Variants in FOXP1 observed in about 807,000 individuals in gnomAD.
The protein encoded by FOXP1 is forkhead box P1.
Under a neutral mutation model 98.2 loss-of-function variants are expected in FOXP1, and 15 were observed. That is an observed-to-expected ratio of 0.15 (90% CI 0.10 to 0.24). FOXP1 has a LOEUF of 0.24. FOXP1 is among the 10% of genes least tolerant of loss of function. The pLI, the probability that FOXP1 is intolerant of heterozygous loss-of-function variation, is 1.00. For synonymous variants in FOXP1, 371 were observed against 314.5 expected (o/e 1.18, Z -1.90); for missense variants, 633 against 848.5 (o/e 0.75, Z 3.15).
At chr3:71,233,882 C>A (rs990780868) in intron 5 of FOXP1, among the ~76,000 whole-genome samples, 2 of 151,988 alleles carry the variant, frequency 1.3e-5, no homozygotes, top group Non-Finnish European at 2.9e-5. Context: ...TCCTTTTAGC[C>A]CAAATCAAAC....
intron 4 of FOXP1, among the ~76,000 whole-genome samples, chr3:71,330,101 G>A (rs2076205962): frequency 6.6e-6 from 1 of 152,166 alleles, no homozygotes; most frequent in Non-Finnish European, 1.5e-5. Flanking sequence ...GTAATAACAT[G>A]TATAACTCTT....
rs530989716 is a variant in FOXP1 at position 70,959,487 on chromosome 3, T to C, written c.1890-96A>G. 1.1e-4 allele frequency: 145 copies of C among 1,296,372 alleles called. 1 individual carries two copies. In the African/African-American group the frequency reaches 1.7e-3, roughly 16 times the overall value. The allele number at this position is 1,296,372 out of a possible 1,614,324, so 80.3% of individuals were successfully genotyped here. A position where few individuals can be genotyped will look rare whatever the true frequency, so the allele number is the denominator to read the frequency against. On this transcript the variant is annotated intron_variant, in intron 20 of 20. Transcript: ENST00000649528. ...TTGGGGCAACAGAAAAGCCGCACTC[T>C]AGAACTAGAACTCTGTCCAGTATTG...
intron 3 of FOXP1, among the ~76,000 whole-genome samples, chr3:71,446,308 T>C (rs1178400209): frequency 6.6e-6 from 1 of 152,006 alleles, no homozygotes; most frequent in Admixed American, 6.6e-5. Flanking sequence ...TGGTTGCAGA[T>C]GGAGGTAATA....
At chr3:71,212,949 A>AATAT (rs3033230) in intron 5 of FOXP1, among the ~76,000 whole-genome samples, 2,937 of 147,810 alleles carry the variant, frequency 0.02, 82 homozygotes, top group African/African-American at 0.067. Context: ...ACAAAATGGG[A>AATAT]ATATATATAT....
intron 6 of FOXP1, chr3:71,197,799 TC>T: frequency 7.7e-7 from 1 of 1,302,624 alleles, no homozygotes. Context: ...TCTCTTTTAT[TC>T]CTTAGCTCTT....
At chr3:71,102,051 CAG>C (rs2057011413) in intron 7 of FOXP1, among the ~76,000 whole-genome samples, 3 of 152,144 alleles carry the variant, frequency 2.0e-5, no homozygotes, top group Non-Finnish European at 2.9e-5. Flanking sequence ...GACTAGTATT[CAG>C]TCCCTGTAAT....
At chr3:71,444,132 C>T (rs2086195917) in intron 3 of FOXP1, among the ~76,000 whole-genome samples, 1 of 152,198 alleles carries the variant, frequency 6.6e-6, no homozygotes. Context: ...TTTCTGTTAA[C>T]GAACAGACTG....
At chr3:71,263,645 A>G (rs1026557751) in intron 5 of FOXP1, among the ~76,000 whole-genome samples, 3 of 152,068 alleles carry the variant, frequency 2.0e-5, no homozygotes, top group African/African-American at 7.2e-5. Context: ...TACTTAAGCT[A>G]CTCCTTTGTG....
chr3:71,187,269 C>T (rs1025305448), intron 6 of FOXP1, among the ~76,000 whole-genome samples: 4 of 152,170 alleles, frequency 2.6e-5, no homozygotes, highest in Admixed American at 6.5e-5. Flanking sequence ...TCAGCTTATG[C>T]GTGATGCTTT....
intron 3 of FOXP1, among the ~76,000 whole-genome samples, chr3:71,376,773 G>A (rs560173238): frequency 2.6e-5 from 4 of 152,248 alleles, no homozygotes; most frequent in South Asian, 2.1e-4. Context: ...TCATCTGACA[G>A]ACAGAATCTG....
chr3:71,430,974 CT>C (rs1216663747), intron 3 of FOXP1, among the ~76,000 whole-genome samples: 2 of 152,156 alleles, frequency 1.3e-5, no homozygotes, highest in Non-Finnish European at 2.9e-5. Context: ...ATATGAAACA[CT>C]TTCCTAGACA....
intron 2 of FOXP1, 178 bp downstream of exon 2, chr3:71,581,371 A>T: frequency 1.0e-6 from 1 of 985,372 alleles, no homozygotes; most frequent in Non-Finnish European, 1.2e-6. Flanking sequence ...GGTGGAGGGG[A>T]GGAAGTCCAG....
rs534706209 is a variant in FOXP1 at position 71,500,022 on chromosome 3, C to T, written c.-297-6467G>A. Among the ~76,000 whole-genome samples the T allele has an allele frequency of 2.6e-5, 4 of 152,314 alleles. No homozygotes were observed. In the South Asian group the frequency reaches 8.3e-4, roughly 32 times the overall value. The stretch of plus-strand genomic sequence containing the variant: ...ATAAAGTTCTGGTAAAAAACGGTCA[C>T]CAGATTTAACCAAATGGGTCACTAC... On this transcript the variant is annotated intron_variant, in intron 2 of 20. Coordinates refer to ENST00000649528, the MANE Select transcript of FOXP1 (RefSeq NM_001349338.3).
chr3:71,554,269 G>A (rs928857224), intron 2 of FOXP1, among the ~76,000 whole-genome samples: 6 of 152,134 alleles, frequency 3.9e-5, no homozygotes, highest in Non-Finnish European at 8.8e-5. Context: ...CAAGAGGATA[G>A]CTTGAGACCA....
chr3:70,967,087 C>G (rs1575706362), intron 19 of FOXP1, among the ~76,000 whole-genome samples: 1 of 152,328 alleles, frequency 6.6e-6, no homozygotes, highest in South Asian at 2.1e-4. Context: ...GCAGACTAGA[C>G]TATGCCTGCT....
chr3:71,026,617 A>AACTGGCTGCTTT (rs1559753951), intron 11 of FOXP1, among the ~76,000 whole-genome samples: 1 of 152,188 alleles, frequency 6.6e-6, no homozygotes, highest in Non-Finnish European at 1.5e-5. Flanking sequence ...TGTGACCAGC[A>AACTGGCTGCTTT]ACTGGCTGCT....
At chr3:71,184,691 A>G (rs924468825) in intron 6 of FOXP1, among the ~76,000 whole-genome samples, 8 of 152,194 alleles carry the variant, frequency 5.3e-5, no homozygotes, top group African/African-American at 1.9e-4. Context: ...AGAAAAGCCT[A>G]AGAGTATTTG....
At position 71,024,012 on chromosome 3, in the gene FOXP1, C is replaced by T. The variant is rs1005034788; in HGVS notation, c.870-8359G>A. ...TCCACTTTACAGTGTATTCTTCTGGCGTTTTTCATACTGTTGTATATCCCC... is the reference window on the plus strand; with the variant it reads ...TCCACTTTACAGTGTATTCTTCTGGTGTTTTTCATACTGTTGTATATCCCC... On this transcript the variant is annotated intron_variant, in intron 11 of 20. Transcript: ENST00000649528. Among the ~76,000 whole-genome samples the T allele has an allele frequency of 2.8e-4, 43 of 152,148 alleles. 3 individuals carry two copies. The highest frequency in any genetic ancestry group is 1.0e-4 in the Non-Finnish European group (7 of 68,022).
chr3:71,287,400 A>G (rs779189504), intron 5 of FOXP1, among the ~76,000 whole-genome samples: 21 of 152,114 alleles, frequency 1.4e-4, no homozygotes, highest in Admixed American at 4.6e-4. Context: ...TGAGCCTGGG[A>G]GGCAAGAGAA....
Sources: gnomAD v4.1 joint callset for allele counts (sites outside exome capture counted in the v4.1 genomes callset) on GRCh38, gnomAD v4.1.1 for gene constraint, MANE v1.5 for transcripts, NCBI Gene and HGNC (gene_info 2026-07-23, HGNC 2026-07-21) for gene names.